Variants in GABRG3 observed in about 807,000 individuals in gnomAD.
The protein encoded by GABRG3 is gamma-aminobutyric acid type A receptor subunit gamma3.
In GABRG3, 25 loss-of-function variants were observed where a neutral mutation model predicts 48.8. That is an observed-to-expected ratio of 0.51 (90% CI 0.37 to 0.72). GABRG3 has a LOEUF of 0.72. Among genes scored for constraint, GABRG3 ranks in the 30% least tolerant of loss-of-function variants. GABRG3 has a pLI of 0.00. For missense variants in GABRG3, 394 were observed against 577.9 expected (o/e 0.68, Z 3.26); for synonymous variants, 227 against 217.6 (o/e 1.04, Z -0.38).
chr15:27,325,285 A>G (rs1893573684), intron 3 of GABRG3, among the ~76,000 whole-genome samples: 1 of 152,202 alleles, frequency 6.6e-6, no homozygotes, highest in South Asian at 2.1e-4. Flanking sequence ...GGAAGGCAGA[A>G]ACAAGGCTGA....
intron 3 of GABRG3, among the ~76,000 whole-genome samples, chr15:27,250,086 C>G (rs79564109): frequency 0.053 from 8,043 of 152,126 alleles, 724 homozygotes; most frequent in African/African-American, 0.18. Flanking sequence ...CTCCAAAGCC[C>G]CCTCACCAGC....
intron 5 of GABRG3, among the ~76,000 whole-genome samples, chr15:27,342,812 A>C (rs1169281767): frequency 6.6e-6 from 1 of 152,202 alleles, no homozygotes; most frequent in African/African-American, 2.4e-5. Context: ...TACCTGGACC[A>C]GGGGCTCCTG....
intron 3 of GABRG3, among the ~76,000 whole-genome samples, chr15:27,028,731 A>G (rs1416538402): frequency 6.7e-6 from 1 of 148,356 alleles, no homozygotes; most frequent in Non-Finnish European, 1.5e-5. Context: ...GCTTGAATCC[A>G]GGAGGCGGAG....
chr15:27,313,262 G>GTATATATATATATA (rs1169926074), intron 3 of GABRG3, among the ~76,000 whole-genome samples: 7 of 34,558 alleles, frequency 2.0e-4, no homozygotes, highest in Non-Finnish European at 2.9e-4. Context: ...GTGTGTGTGT[G>GTATATATATATATA]TATATATATA....
At chr15:27,203,369 T>C (rs1888751063) in intron 3 of GABRG3, among the ~76,000 whole-genome samples, 1 of 152,142 alleles carries the variant, frequency 6.6e-6, no homozygotes, top group Admixed American at 6.5e-5. Context: ...CTGCAAAGGA[T>C]ATGATTTCAT....
chr15:27,134,171 A>G (rs1897967398), intron 3 of GABRG3, among the ~76,000 whole-genome samples: 1 of 152,180 alleles, frequency 6.6e-6, no homozygotes, highest in South Asian at 2.1e-4. Context: ...GGAGTTACGA[A>G]TGTTAGGAAA....
chr15:27,201,528 G>A (rs886230893), intron 3 of GABRG3, among the ~76,000 whole-genome samples: 7 of 151,920 alleles, frequency 4.6e-5, no homozygotes, highest in African/African-American at 1.7e-4. Flanking sequence ...AGGAGGGAGT[G>A]TGAGCTGAGG....
At chr15:27,328,169 GA>G (rs1222891821) in intron 4 of GABRG3, among the ~76,000 whole-genome samples, 1 of 151,148 alleles carries the variant, frequency 6.6e-6, no homozygotes, top group South Asian at 2.1e-4. Flanking sequence ...CCATGCTGAT[GA>G]AAAACATTGC....
chr15:27,519,126 C>T (rs1195776241), intron 6 of GABRG3, among the ~76,000 whole-genome samples: 1 of 152,072 alleles, frequency 6.6e-6, no homozygotes, highest in Non-Finnish European at 1.5e-5. Flanking sequence ...GGATTTCGGG[C>T]ACTGGATGAC....
At chr15:27,416,534 C>T (rs1275472816) in intron 5 of GABRG3, among the ~76,000 whole-genome samples, 1 of 152,164 alleles carries the variant, frequency 6.6e-6, no homozygotes, top group Non-Finnish European at 1.5e-5. Context: ...GAGGGGCCTC[C>T]TATCTGATAT....
In GABRG3 at chr15:27,291,304, T is replaced by C. The variant is rs1183091822; in HGVS notation, c.271-35505T>C. Among the ~76,000 whole-genome samples, 3 of 152,206 alleles carry C rather than the reference T, an allele frequency of 2.0e-5. No homozygotes were observed. The East Asian group carries it at 5.8e-4, about 29-fold the overall frequency. On this transcript the variant is annotated intron_variant, in intron 3 of 9. Coordinates refer to ENST00000615808, the MANE Select transcript of GABRG3 (RefSeq NM_033223.5). The stretch of plus-strand genomic sequence containing the variant: ...TTTGGATTTGGGGATAAATATGGCT[T>C]TCTATGTAACTTTAGATATCACTTA...
chr15:27,019,626 G>T (rs1029428779), intron 2 of GABRG3, among the ~76,000 whole-genome samples: 2 of 152,188 alleles, frequency 1.3e-5, no homozygotes, highest in Non-Finnish European at 2.9e-5. Context: ...AGGCAGAACT[G>T]AAGGAAGGTT....
At chr15:27,245,005 T>C (rs964627967) in intron 3 of GABRG3, among the ~76,000 whole-genome samples, 1 of 152,116 alleles carries the variant, frequency 6.6e-6, no homozygotes, top group Non-Finnish European at 1.5e-5. Flanking sequence ...TTTGTGGGGG[T>C]TTCTGCCTTC....
intron 2 of GABRG3, among the ~76,000 whole-genome samples, chr15:27,025,039 A>AG (rs1178491180): frequency 1.3e-5 from 2 of 151,458 alleles, no homozygotes; most frequent in Non-Finnish European, 2.9e-5. Flanking sequence ...AAAAAAAAAA[A>AG]AAAAAGCATC....
At chr15:27,078,637 C>T (rs547192160) in intron 3 of GABRG3, among the ~76,000 whole-genome samples, 31 of 152,298 alleles carry the variant, frequency 2.0e-4, no homozygotes, top group Non-Finnish European at 3.4e-4. Context: ...CACTGGTCAC[C>T]GCCCAGGGGC....
chr15:27,139,408 G>A (rs1287039661), intron 3 of GABRG3, among the ~76,000 whole-genome samples: 1 of 152,034 alleles, frequency 6.6e-6, no homozygotes, highest in Non-Finnish European at 1.5e-5. Context: ...GTTCTATCTG[G>A]GCCCTCAGCA....
chr15:27,007,071 C>A (rs1309598061), intron 2 of GABRG3, among the ~76,000 whole-genome samples: 1 of 151,398 alleles, frequency 6.6e-6, no homozygotes, highest in Admixed American at 6.6e-5. Context: ...CATACATGTG[C>A]ATGTGTCTTT....
At chr15:27,137,487 A>G (rs955865084) in intron 3 of GABRG3, among the ~76,000 whole-genome samples, 7 of 152,072 alleles carry the variant, frequency 4.6e-5, no homozygotes, top group Non-Finnish European at 1.0e-4. Context: ...GTGAAAATAC[A>G]CCTGTGAAAA....
intron 4 of GABRG3, 67 bp downstream of exon 4, chr15:27,327,096 A>G: frequency 7.5e-7 from 1 of 1,334,770 alleles, no homozygotes; most frequent in Admixed American, 2.0e-5. Context: ...GAATCACTGT[A>G]GGAATGAGAC....
Sources: allele counts gnomAD v4.1 joint callset (sites outside exome capture counted in the v4.1 genomes callset), GRCh38; gene constraint gnomAD v4.1.1; transcripts MANE v1.5; gene names NCBI Gene and HGNC (gene_info 2026-07-23, HGNC 2026-07-21).